GOT2: variants seen among roughly 807,000 people sequenced by gnomAD.
The protein encoded by GOT2 is glutamic-oxaloacetic transaminase 2, also known as aspartate aminotransferase, mitochondrial.
GOT2 carries 17 observed loss-of-function variants against 50.0 expected under a neutral mutation model. The observed-to-expected ratio is 0.34, with a 90% CI of 0.23 to 0.51. The LOEUF is 0.51. GOT2 is among the 20% of genes least tolerant of loss of function. The probability of loss-of-function intolerance (pLI) is 0.97; values close to 1 mark genes in which losing one functional copy is unlikely to be tolerated. For synonymous variants in GOT2, 172 were observed against 204.9 expected (o/e 0.84, Z 1.37); for missense variants, 430 against 559.6 (o/e 0.77, Z 2.34).
chr16:58,715,226 C>A (rs1427926563), intron 8 of GOT2, among the ~76,000 whole-genome samples: 1 of 151,980 alleles, frequency 6.6e-6, no homozygotes. Context: ...TCAATGCTAG[C>A]AATTATTAGG....
Position 58,719,188 on chromosome 16 carries a change from A to T in GOT2, c.435+8T>A, listed in dbSNP as rs1413208026. On this transcript the variant is annotated splice_region_variant and intron_variant, in intron 4 of 9. Coordinates refer to ENST00000245206, the MANE Select transcript of GOT2 (RefSeq NM_002080.4). ...ATAATTCTTTCCTGAAGAAGCTTCC[A>T]GACTCACCAGAAAACTGGCTCCGAT... 4 of 1,604,708 alleles carry T rather than the reference A, an allele frequency of 2.5e-6. No individual in the cohort carries two copies. The highest frequency in any genetic ancestry group is 3.4e-6 in the Non-Finnish European group (4 of 1,171,544).
intron 3 of GOT2, among the ~76,000 whole-genome samples, chr16:58,719,927 C>T (rs1344554604): frequency 2.6e-5 from 4 of 151,674 alleles, no homozygotes; most frequent in Admixed American, 6.6e-5. Context: ...TCTGGCCGGG[C>T]GCAGTGGCTT....
At chr16:58,727,636 T>G (rs2044798085) in intron 1 of GOT2, among the ~76,000 whole-genome samples, 1 of 152,042 alleles carries the variant, frequency 6.6e-6, no homozygotes, top group East Asian at 1.9e-4. Flanking sequence ...CCCAGGGCAT[T>G]ATTATGGGAT....
In GOT2 at chr16:58,734,171, C is replaced by T. The variant is rs753825716; in HGVS notation, c.58G>A (p.Gly20Ser). ...LPGIAAAFHPGLAAAASARAS... is the reference protein window; with the variant it reads ...LPGIAAAFHPSLAAAASARAS... ...CTGGCAGAGGCCGCGGCGGCGAGGC[C>T]CGGGTGGAAGGCGGCGGCGATCCCG... Residue 20 changes from glycine (G) to serine (S), a missense_variant, in exon 1 of 10, where the codon GGC (glycine) becomes AGC (serine). Coordinates refer to ENST00000245206, the MANE Select transcript of GOT2 (RefSeq NM_002080.4). 1.1e-5 allele frequency: 14 copies of T among 1,333,200 alleles called. No homozygotes were observed. The highest frequency in any genetic ancestry group is 1.4e-5 in the Non-Finnish European group (14 of 1,036,142). The allele number at this position is 1,333,200 out of a possible 1,614,324, so 82.6% of individuals were successfully genotyped here.
At chr16:58,713,786 G>A (rs1318779411) in intron 8 of GOT2, among the ~76,000 whole-genome samples, 1 of 152,172 alleles carries the variant, frequency 6.6e-6, no homozygotes, top group South Asian at 2.1e-4. Flanking sequence ...GTAGGGGTTG[G>A]CATTCTTTCT....
rs1478117241 is a variant in GOT2 at position 58,708,160 on chromosome 16, C to T, written c.*11G>A. On this transcript the variant is annotated 3_prime_UTR_variant, in exon 10 of 10. Transcript: ENST00000245206. The stretch of plus-strand genomic sequence containing the variant: ...CAGAAAGGTTGTCTCTGTTTCCTCG[C>T]ACCAGGGACATTACTTGGTGACCTG... The T allele has an allele frequency of 2.0e-5, 32 of 1,613,176 alleles. No individual in the cohort carries two copies. In the Admixed American group the frequency reaches 4.5e-4, roughly 23 times the overall value.
intron 1 of GOT2, among the ~76,000 whole-genome samples, chr16:58,729,039 C>T (rs2044811135): frequency 6.6e-6 from 1 of 151,980 alleles, no homozygotes; most frequent in South Asian, 2.1e-4. Context: ...AATCAGGAGA[C>T]ACTGCCATTA....
In GOT2 at chr16:58,718,666, C is replaced by T. The variant is rs368170602; in HGVS notation, c.458G>A (p.Arg153Gln). 23 of 1,570,420 alleles carry T rather than the reference C, an allele frequency of 1.5e-5. No individual in the cohort carries two copies. The highest frequency in any genetic ancestry group is 9.0e-5 in the East Asian group (4 of 44,246). The part of the protein sequence containing the change: ...SFLQRFFKFS[R>Q]DVFLPKPTWG... ...GGTTGGTTTGGGCAGAAAGACATCT[C>T]GGCTGAACTTAAAAAATCTTTGCTA... Residue 153 changes from arginine to glutamine, a missense_variant, in exon 5 of 10, where the codon CGA becomes CAA. Arg to Gln is a conservative substitution (Grantham distance 43). Transcript: ENST00000245206.
At chr16:58,711,136 G>A (rs1380150940) in intron 8 of GOT2, among the ~76,000 whole-genome samples, 1 of 151,868 alleles carries the variant, frequency 6.6e-6, no homozygotes, top group Non-Finnish European at 1.5e-5. Flanking sequence ...AATCTACAAT[G>A]AGCCAAGCTA....
chr16:58,725,374 C>CAAGG, intron 1 of GOT2, among the ~76,000 whole-genome samples: 1 of 152,266 alleles, frequency 6.6e-6, no homozygotes. Flanking sequence ...CTCAGCTTCC[C>CAAGG]AAAGTGCTGG....
At chr16:58,734,080 C>T (rs2044857740) in intron 1 of GOT2, 60 bp downstream of exon 1, 2 of 1,005,074 alleles carry the variant, frequency 2.0e-6, no homozygotes, top group Non-Finnish European at 1.3e-6. Context: ...TCCTGGGGTG[C>T]TCGCAGCTCG....
At chr16:58,711,750 A>T (rs2044650686) in intron 8 of GOT2, among the ~76,000 whole-genome samples, 1 of 152,156 alleles carries the variant, frequency 6.6e-6, no homozygotes, top group South Asian at 2.1e-4. Context: ...AATTTCCTAC[A>T]GTTTCCATCG....
At chr16:58,722,302 T>C (rs372495011) in intron 2 of GOT2, 24 bp from the exon 3 acceptor site, 6 of 1,609,486 alleles carry the variant, frequency 3.7e-6, no homozygotes, top group South Asian at 1.1e-5. Context: ...AATACATCCA[T>C]TGAATTTCTT....
intron 3 of GOT2, chr16:58,721,914 G>A: frequency 3.0e-6 from 1 of 329,148 alleles, no homozygotes; most frequent in Non-Finnish European, 5.7e-6. Flanking sequence ...CTGAGTAGCT[G>A]GGATTACAGG....
intron 1 of GOT2, among the ~76,000 whole-genome samples, chr16:58,727,193 C>G (rs1212179758): frequency 6.6e-6 from 1 of 152,062 alleles, no homozygotes; most frequent in African/African-American, 2.4e-5. Context: ...CACTCCGTCC[C>G]CCAGGCTGAA....
In GOT2 at chr16:58,728,260, G is replaced by A. The variant is rs919322886; in HGVS notation, c.90-4358C>T. ...AATTTCAGTACTGGGCAAACTGTACGGATTCAAATAATAGCTCAGCCACCT... is the reference window on the plus strand; with the variant it reads ...AATTTCAGTACTGGGCAAACTGTACAGATTCAAATAATAGCTCAGCCACCT... On this transcript the variant is annotated intron_variant, in intron 1 of 9. Coordinates refer to ENST00000245206, the MANE Select transcript of GOT2 (RefSeq NM_002080.4). Among the ~76,000 whole-genome samples the A allele has an allele frequency of 3.3e-5, 5 of 152,062 alleles. No individual in the cohort carries two copies. In the East Asian group the frequency reaches 5.8e-4, roughly 18 times the overall value.
chr16:58,729,251 G>C (rs890131656), intron 1 of GOT2, among the ~76,000 whole-genome samples: 2 of 79,368 alleles, frequency 2.5e-5, no homozygotes, highest in Non-Finnish European at 5.0e-5. Flanking sequence ...CTGAAAACAT[G>C]CAGCCACCTG....
chr16:58,720,356 TA>T (rs1207907767), intron 3 of GOT2, among the ~76,000 whole-genome samples: 1 of 152,160 alleles, frequency 6.6e-6, no homozygotes, highest in African/African-American at 2.4e-5. Flanking sequence ...GAAATTACCA[TA>T]GGTTTAAGAG....
intron 6 of GOT2, among the ~76,000 whole-genome samples, chr16:58,717,382 GAAA>G (rs1297913455): frequency 1.4e-5 from 2 of 145,338 alleles, no homozygotes; most frequent in African/African-American, 5.1e-5. Flanking sequence ...TGTCTCAAAA[GAAA>G]AAAAAAGAGA....
Sources: gnomAD v4.1 joint callset for allele counts (sites outside exome capture counted in the v4.1 genomes callset) on GRCh38, gnomAD v4.1.1 for gene constraint, MANE v1.5 for transcripts, NCBI Gene and HGNC (gene_info 2026-07-23, HGNC 2026-07-21) for gene names.